Variants in WWOX observed in about 807,000 individuals in gnomAD.
The protein encoded by WWOX is WW domain-containing oxidoreductase.
A neutral mutation model predicts 46.2 loss-of-function variants in WWOX; 69 were observed. The observed-to-expected ratio is 1.49, with a 90% confidence interval of 1.23 to 1.82. The LOEUF (loss-of-function observed/expected upper bound fraction) is 1.82, where lower values mean the gene tolerates loss of function less well. WWOX is among the 40% of genes most tolerant of loss of function. The pLI, the probability that WWOX is intolerant of heterozygous loss-of-function variation, is 0.00. For missense variants in WWOX, 919 were observed against 542.6 expected, an observed-to-expected ratio of 1.69 and a Z score of -6.89; for synonymous variants, 359 against 202.6, an observed-to-expected ratio of 1.77 and a Z score of -6.56.
In WWOX at chr16:79,211,755, G is replaced by A. The variant is rs200839945; in HGVS notation, c.1204G>A (p.Glu402Lys). The A allele has an allele frequency of 3.3e-4, 527 of 1,614,200 alleles. No homozygotes were observed. The highest frequency in any genetic ancestry group is 5.6e-4 in the South Asian group (51 of 91,086). ...GGCCCGGACCCTGTGGGCGCTCAGC[G>A]AGAGGCTGATCCAAGAACGGCTTGG... ...ETARTLWALS[E>K]RLIQERLGSQ... Residue 402 changes from glutamate (E) to lysine (K), a missense_variant, in exon 9 of 9, where the codon GAG (glutamate) becomes AAG (lysine). By Grantham distance (56) the Glu-to-Lys change is moderately conservative. Coordinates refer to ENST00000566780, the MANE Select transcript of WWOX (RefSeq NM_016373.4).
At chr16:79,117,595 C>G (rs981569885) in intron 8 of WWOX, among the ~76,000 whole-genome samples, 9 of 152,256 alleles carry the variant, frequency 5.9e-5, no homozygotes, top group Non-Finnish European at 1.3e-4. Flanking sequence ...CCCTAGCTCT[C>G]AAAGTCCTAG....
At chr16:78,621,395 C>A (rs922526491) in intron 8 of WWOX, among the ~76,000 whole-genome samples, 1 of 151,946 alleles carries the variant, frequency 6.6e-6, no homozygotes, top group Non-Finnish European at 1.5e-5. Flanking sequence ...CATCCTCACC[C>A]CTTTCACCTC....
At chr16:79,191,204 C>T (rs2051129233) in intron 8 of WWOX, among the ~76,000 whole-genome samples, 4 of 152,220 alleles carry the variant, frequency 2.6e-5, no homozygotes, top group Admixed American at 2.0e-4. Context: ...CAGGCACCTG[C>T]CACCACACCT....
chr16:78,688,620 G>A lies in WWOX; in HGVS notation c.1056+255868G>A, dbSNP rs1202692150. Among the ~76,000 whole-genome samples, 4 of 152,094 alleles carry A rather than the reference G, an allele frequency of 2.6e-5. No homozygotes were observed. The South Asian group carries it at 8.3e-4, about 32-fold the overall frequency. On this transcript the variant is annotated intron_variant, in intron 8 of 8. Transcript: ENST00000566780. ...TTCCAGCCACTGCTTCTCTACCGGG[G>A]CAAATTTTCCCCCAAGGGATAATTG...
At chr16:78,460,693 A>G (rs960798437) in intron 8 of WWOX, among the ~76,000 whole-genome samples, 1 of 152,204 alleles carries the variant, frequency 6.6e-6, no homozygotes, top group Non-Finnish European at 1.5e-5. Flanking sequence ...AGAACTAAAG[A>G]GTAGACTTGA....
intron 8 of WWOX, among the ~76,000 whole-genome samples, chr16:78,445,373 T>G (rs1314302399): frequency 3.3e-5 from 5 of 152,208 alleles, no homozygotes; most frequent in Non-Finnish European, 7.3e-5. Context: ...CATGCATTCA[T>G]TCATTCAACA....
chr16:78,925,395 G>C (rs2045475525), intron 8 of WWOX, among the ~76,000 whole-genome samples: 1 of 152,168 alleles, frequency 6.6e-6, no homozygotes, highest in Non-Finnish European at 1.5e-5. Flanking sequence ...TGAAAGGACA[G>C]CTCTCAGGCA....
intron 8 of WWOX, among the ~76,000 whole-genome samples, chr16:78,966,820 C>T (rs1218466345): frequency 6.6e-6 from 1 of 152,134 alleles, no homozygotes; most frequent in Non-Finnish European, 1.5e-5. Flanking sequence ...GAATTACCTA[C>T]TGCTTTGGGC....
chr16:78,445,966 A>G (rs1244262045), intron 8 of WWOX, among the ~76,000 whole-genome samples: 1 of 152,158 alleles, frequency 6.6e-6, no homozygotes, highest in African/African-American at 2.4e-5. Flanking sequence ...TGTGCTTTGG[A>G]AAATGGGCTG....
intron 5 of WWOX, among the ~76,000 whole-genome samples, chr16:78,266,506 T>G (rs575545913): frequency 3.9e-5 from 6 of 152,318 alleles, no homozygotes; most frequent in East Asian, 1.9e-4. Context: ...TTCTTCTTAT[T>G]TGTCCCTTCC....
At chr16:78,312,532 G>A (rs7192602) in intron 5 of WWOX, among the ~76,000 whole-genome samples, 52,401 of 151,762 alleles carry the variant, frequency 0.35, 9,493 homozygotes, top group East Asian at 0.54. Context: ...CTGCCACCAT[G>A]CCCAGCTAAC....
At chr16:78,564,840 C>A (rs867507960) in intron 8 of WWOX, among the ~76,000 whole-genome samples, 2 of 150,418 alleles carry the variant, frequency 1.3e-5, no homozygotes, top group African/African-American at 5.0e-5. Flanking sequence ...TTTATTTTTT[C>A]TTTTCTTTCC....
chr16:79,161,145 C>G (rs1008945616), intron 8 of WWOX, among the ~76,000 whole-genome samples: 4 of 152,172 alleles, frequency 2.6e-5, no homozygotes, highest in Admixed American at 2.0e-4. Flanking sequence ...TAAGGCAATT[C>G]TGGACTCACT....
At chr16:78,881,036 G>A (rs1457975326) in intron 8 of WWOX, among the ~76,000 whole-genome samples, 2 of 143,090 alleles carry the variant, frequency 1.4e-5, no homozygotes, top group South Asian at 2.2e-4. Context: ...CCTGTTGCCA[G>A]GCTGGAGTGT....
At chr16:78,600,540 C>T (rs911751220) in intron 8 of WWOX, among the ~76,000 whole-genome samples, 24 of 152,138 alleles carry the variant, frequency 1.6e-4, no homozygotes, top group African/African-American at 5.8e-4. Context: ...GGGCAGGATA[C>T]CACTTCTCCT....
intron 4 of WWOX, among the ~76,000 whole-genome samples, chr16:78,137,241 T>A (rs2033827004): frequency 6.6e-6 from 1 of 152,168 alleles, no homozygotes. Context: ...GCAACGTAAA[T>A]GTGTGTCCAC....
In WWOX at chr16:78,358,415, T is replaced by A. The variant is rs182824618; in HGVS notation, c.517-28445T>A. 3.0e-4 allele frequency among the ~76,000 whole-genome samples: 46 copies of A among 152,298 alleles called. No homozygotes were observed. In the East Asian group the frequency reaches 7.1e-3, roughly 24 times the overall value. ...GCTTACACCTGTAATCCCGGCACTTTGGGAGGCTGAGGTGGGCAGATCACT... is the reference window on the plus strand; with the variant it reads ...GCTTACACCTGTAATCCCGGCACTTAGGGAGGCTGAGGTGGGCAGATCACT... On this transcript the variant is annotated intron_variant, in intron 5 of 8. Transcript: ENST00000566780.
chr16:78,729,565 C>T (rs946263228), intron 8 of WWOX, among the ~76,000 whole-genome samples: 2 of 151,878 alleles, frequency 1.3e-5, no homozygotes, highest in South Asian at 4.2e-4. Context: ...CTCAGATATG[C>T]CTGGAGCCAT....
chr16:78,892,062 T>C (rs1447019405), intron 8 of WWOX: 3 of 152,118 alleles, frequency 2.0e-5, no homozygotes, highest in African/African-American at 4.8e-5. Context: ...ATAAAATGGG[T>C]TTTTTTCCTT....
Sources: allele counts gnomAD v4.1 joint callset (sites outside exome capture counted in the v4.1 genomes callset), GRCh38; gene constraint gnomAD v4.1.1; transcripts MANE v1.5; gene names NCBI Gene and HGNC (gene_info 2026-07-23, HGNC 2026-07-21).